ARID5B: variants seen among roughly 807,000 people sequenced by gnomAD.
The protein encoded by ARID5B is AT-rich interaction domain 5B.
A neutral mutation model predicts 97.2 loss-of-function variants in ARID5B; 13 were observed. That is an observed-to-expected ratio of 0.13 (90% confidence interval 0.09 to 0.21). The LOEUF is 0.21. Ranked by LOEUF, ARID5B falls within the 10% of genes least tolerant of loss-of-function variation. The pLI is 1.00. For synonymous variants in ARID5B, 556 were observed against 570.3 expected, an observed-to-expected ratio of 0.97 and a Z score of 0.36; for missense variants, 1,210 against 1,465.3, an observed-to-expected ratio of 0.83 and a Z score of 2.84.
chr10:62,090,116 A>C (rs1203833225), intron 9 of ARID5B, among the ~76,000 whole-genome samples: 1 of 152,372 alleles, frequency 6.6e-6, no homozygotes, highest in East Asian at 1.9e-4. Flanking sequence ...TTCATTCAAC[A>C]GCAAAGCTAT....
chr10:62,050,505 C>T (rs529685000), intron 4 of ARID5B, among the ~76,000 whole-genome samples: 9 of 152,236 alleles, frequency 5.9e-5, no homozygotes, highest in South Asian at 4.1e-4. Context: ...ACTTAGGTTT[C>T]GGAAAGCAAG....
intron 2 of ARID5B, among the ~76,000 whole-genome samples, chr10:61,937,013 G>A (rs565262614): frequency 4.6e-5 from 7 of 152,290 alleles, no homozygotes; most frequent in African/African-American, 1.7e-4. Flanking sequence ...CTGGATCTTT[G>A]TTCAAGTCCT....
At chr10:61,947,154 T>A (rs1838249747) in intron 3 of ARID5B, among the ~76,000 whole-genome samples, 2 of 152,074 alleles carry the variant, frequency 1.3e-5, no homozygotes, top group South Asian at 4.1e-4. Flanking sequence ...CCTCATGCCG[T>A]TATAATGTGA....
At chr10:61,942,531 C>T (rs1433561759) in intron 3 of ARID5B, among the ~76,000 whole-genome samples, 1 of 152,218 alleles carries the variant, frequency 6.6e-6, no homozygotes, top group Non-Finnish European at 1.5e-5. Flanking sequence ...GTGGCTCACG[C>T]CTGTAATCCC....
intron 1 of ARID5B, among the ~76,000 whole-genome samples, 162 bp downstream of exon 1, chr10:61,901,892 C>T (rs1233441923): frequency 6.6e-6 from 1 of 151,812 alleles, no homozygotes; most frequent in East Asian, 1.9e-4. Flanking sequence ...TAAAAAAATC[C>T]CTGCACTGAT....
At chr10:61,967,975 G>A (rs755171443) in intron 3 of ARID5B, among the ~76,000 whole-genome samples, 4 of 151,716 alleles carry the variant, frequency 2.6e-5, no homozygotes, top group Non-Finnish European at 5.9e-5. Context: ...AAACACGTAA[G>A]GGCCTATTAT....
At chr10:61,904,329 C>T (rs1277065263) in intron 2 of ARID5B, among the ~76,000 whole-genome samples, 2 of 152,014 alleles carry the variant, frequency 1.3e-5, no homozygotes, top group African/African-American at 4.8e-5. Context: ...GAGTTGACCC[C>T]ACTTGGTACA....
rs946798607 is a variant in ARID5B, at chr10:62,035,159, T to A, written c.734-15729T>A. Among the ~76,000 whole-genome samples the A allele has an allele frequency of 8.1e-4, 123 of 152,292 alleles. 1 individual carries two copies. Among genetic ancestry groups the A allele is most frequent in the Admixed American group, 5.5e-3 (84 of 15,308 alleles). On this transcript the variant is annotated intron_variant, in intron 4 of 9. Coordinates refer to ENST00000279873, the MANE Select transcript of ARID5B (RefSeq NM_032199.3). The stretch of plus-strand genomic sequence containing the variant: ...AATGGTGATGGTGACCTAGGGAAGG[T>A]GCTGGAGATAGGAAGGTGAACCATC...
chr10:61,917,725 AG>A (rs752910835), intron 2 of ARID5B, among the ~76,000 whole-genome samples: 4 of 152,258 alleles, frequency 2.6e-5, no homozygotes, highest in Non-Finnish European at 5.9e-5. Flanking sequence ...TAAAGCAAAA[AG>A]AACCGTTGGT....
chr10:61,952,842 A>AGGTG (rs1193681591), intron 3 of ARID5B, among the ~76,000 whole-genome samples: 1 of 145,718 alleles, frequency 6.9e-6, no homozygotes, highest in Non-Finnish European at 1.5e-5. Flanking sequence ...GTGGTGTTAT[A>AGGTG]GGTGTGTGTG....
chr10:62,074,144 G>C (rs946993529), intron 8 of ARID5B, among the ~76,000 whole-genome samples: 1 of 152,110 alleles, frequency 6.6e-6, no homozygotes, highest in Admixed American at 6.5e-5. Context: ...TAAATTACAT[G>C]GTCTGTTTCT....
chr10:62,067,171 T>C (rs1246896388), intron 7 of ARID5B, among the ~76,000 whole-genome samples: 1 of 152,120 alleles, frequency 6.6e-6, no homozygotes, highest in Non-Finnish European at 1.5e-5. Flanking sequence ...CCGCAACCTC[T>C]GCCTCCCGGT....
At chr10:61,930,740 A>AATAAATAAATAAAT (rs1298850590) in intron 2 of ARID5B, among the ~76,000 whole-genome samples, 23 of 151,380 alleles carry the variant, frequency 1.5e-4, no homozygotes, top group African/African-American at 5.1e-4. Context: ...TAAATAAATA[A>AATAAATAAATAAAT]ATAAATAAAT....
chr10:62,093,288 A>T lies in ARID5B; in HGVS notation c.*258A>T. ...GGCACCTCCAGATCATTCACTTCGC[A>T]CGTGGGCCTTGTGAAGGGATTTGTG... On this transcript the variant is annotated 3_prime_UTR_variant, in exon 10 of 10. Coordinates refer to ENST00000279873, the MANE Select transcript of ARID5B (RefSeq NM_032199.3). 1 of 404,160 alleles carries T rather than the reference A, an allele frequency of 2.5e-6. No individual in the cohort carries two copies. Among genetic ancestry groups the T allele is most frequent in the Non-Finnish European group, 4.4e-6 (1 of 229,498 alleles). 25.0% of individuals were successfully genotyped at this position (404,160 alleles called of 1,614,324 possible).
rs139116875 is a variant in ARID5B, at chr10:61,971,342, C to T, written c.503-28749C>T. Reference sequence around the variant, plus strand: ...TTCAGAGAAAAGGACTAGCTGATCCCAAAGTTTTAACTTTTTTCACAGCCA... The same window carrying T: ...TTCAGAGAAAAGGACTAGCTGATCCTAAAGTTTTAACTTTTTTCACAGCCA... On this transcript the variant is annotated intron_variant, in intron 3 of 9. Transcript: ENST00000279873. 4.6e-5 allele frequency among the ~76,000 whole-genome samples: 7 copies of T among 152,288 alleles called. No homozygotes were observed. The East Asian group carries it at 1.3e-3, about 29-fold the overall frequency.
At chr10:62,065,802 C>T (rs7899626) in intron 7 of ARID5B, among the ~76,000 whole-genome samples, 46,518 of 145,498 alleles carry the variant, frequency 0.32, 7,637 homozygotes, top group East Asian at 0.49. Context: ...GCCGAGATCG[C>T]GCCACTGCAC....
intron 3 of ARID5B, among the ~76,000 whole-genome samples, chr10:61,966,777 G>A (rs946219488): frequency 6.6e-6 from 1 of 152,102 alleles, no homozygotes; most frequent in African/African-American, 2.4e-5. Flanking sequence ...CATCCCTGGT[G>A]CTTTCAACCT....
At chr10:61,931,070 C>G (rs1844202176) in intron 2 of ARID5B, among the ~76,000 whole-genome samples, 1 of 152,062 alleles carries the variant, frequency 6.6e-6, no homozygotes, top group Non-Finnish European at 1.5e-5. Flanking sequence ...TTGTTCATTA[C>G]CAAATGCTAC....
chr10:61,909,776 ACTT>A (rs749765915), intron 2 of ARID5B, among the ~76,000 whole-genome samples: 10 of 152,304 alleles, frequency 6.6e-5, no homozygotes, highest in South Asian at 2.1e-4. Context: ...CCCATCTCAC[ACTT>A]CTTCTTTCTC....
Sources: allele counts gnomAD v4.1 joint callset (sites outside exome capture counted in the v4.1 genomes callset), GRCh38; gene constraint gnomAD v4.1.1; transcripts MANE v1.5; gene names NCBI Gene and HGNC (gene_info 2026-07-23, HGNC 2026-07-21).